The following PLBD1 variants were observed in gnomAD, a reference collection of about 807,000 sequenced individuals.
The protein encoded by PLBD1 is lysosomal leucine aminopeptidase.
A neutral mutation model predicts 63.0 loss-of-function variants in PLBD1; 60 were observed. The observed-to-expected ratio is 0.95, with a 90% CI of 0.77 to 1.18. The LOEUF (loss-of-function observed/expected upper bound fraction) is 1.18. Ranked by LOEUF, PLBD1 falls within the 50% of genes most tolerant of loss-of-function variation. The probability of loss-of-function intolerance (pLI) is 0.00; values close to 1 mark genes in which losing one functional copy is unlikely to be tolerated. For missense variants in PLBD1, 598 were observed against 677.9 expected (o/e 0.88, Z 1.31); for synonymous variants, 262 against 248.0 (o/e 1.06, Z -0.53).
chr12:14,516,059 G>T lies in PLBD1; in HGVS notation c.845-4348C>A, dbSNP rs113272928. Among the ~76,000 whole-genome samples the T allele has an allele frequency of 3.6e-3, 549 of 151,254 alleles. 1 individual carries two copies. The highest frequency in any genetic ancestry group is 0.017 in the Middle Eastern group (5 of 288). ...CTCAAAAAAAAACAAGGCCGGGCAC[G>T]GTGGCTCACGCCTGTAATCCCAGCA... On this transcript the variant is annotated intron_variant, in intron 6 of 10. Coordinates refer to ENST00000240617, the MANE Select transcript of PLBD1 (RefSeq NM_024829.6).
rs1297620322 is a variant in PLBD1, at chr12:14,553,430, A to G, written c.116-18T>C. On this transcript the variant is annotated intron_variant, in intron 1 of 10. Coordinates refer to ENST00000240617, the MANE Select transcript of PLBD1 (RefSeq NM_024829.6). Reference sequence around the variant, plus strand: ...GTAGACTCCTAGAAGAAAAGGGAATAATGACAAAAACGCCATTCAAATGAG... The same window carrying G: ...GTAGACTCCTAGAAGAAAAGGGAATGATGACAAAAACGCCATTCAAATGAG... The G allele has an allele frequency of 6.3e-7, 1 of 1,594,106 alleles. No homozygotes were observed. Among genetic ancestry groups the G allele is most frequent in the Admixed American group, 1.7e-5 (1 of 59,612 alleles).
chr12:14,534,969 C>T (rs905186565), intron 6 of PLBD1, among the ~76,000 whole-genome samples: 1 of 152,278 alleles, frequency 6.6e-6, no homozygotes, highest in Middle Eastern at 3.4e-3. Flanking sequence ...AAATTCTAGC[C>T]ATCCTTTCAA....
chr12:14,539,419 A>G (rs962108372), intron 4 of PLBD1, among the ~76,000 whole-genome samples: 6 of 151,628 alleles, frequency 4.0e-5, no homozygotes, highest in African/African-American at 1.5e-4. Flanking sequence ...TATATATAAT[A>G]TATTTATCAT....
chr12:14,526,591 T>C (rs539502459), intron 6 of PLBD1, among the ~76,000 whole-genome samples: 9 of 152,356 alleles, frequency 5.9e-5, no homozygotes, highest in African/African-American at 2.2e-4. Flanking sequence ...ATACTGTATG[T>C]ATGCATTGGT....
chr12:14,506,179 C>T lies in PLBD1; in HGVS notation c.1462G>A (p.Gly488Ser), dbSNP rs760818746. 3 of 1,609,574 alleles carry T rather than the reference C, an allele frequency of 1.9e-6. No homozygotes were observed. The highest frequency in any genetic ancestry group is 2.2e-5 in the East Asian group (1 of 44,746). The change falls in exon 10 of 11, where the codon GGT (glycine) becomes AGT (serine). Residue 488 changes from glycine (G) to serine (S), a missense_variant. Physicochemically the swap from Gly to Ser is moderately conservative, Grantham distance 56. Coordinates refer to ENST00000240617, the MANE Select transcript of PLBD1 (RefSeq NM_024829.6). Reference protein sequence around the residue: ...DLNSPNPSPGGCYDTKVADIY... With the variant: ...DLNSPNPSPGSCYDTKVADIY... ...CATGTTACCTTTGTGTCATAACAACCTCCAGGACTTGGGTTAGGTGAGTTC... is the reference window on the plus strand; with the variant it reads ...CATGTTACCTTTGTGTCATAACAACTTCCAGGACTTGGGTTAGGTGAGTTC...
rs149343834 is a variant in PLBD1, at chr12:14,560,402, G to C, written c.116-6990C>G. The stretch of plus-strand genomic sequence containing the variant: ...GAAAAAAAGAGAAAGAAATGAGAAA[G>C]AGATCAAGCAAAAGATGTTGGAGAA... On this transcript the variant is annotated intron_variant, in intron 1 of 10. Coordinates refer to ENST00000240617, the MANE Select transcript of PLBD1 (RefSeq NM_024829.6). 2.8e-3 allele frequency among the ~76,000 whole-genome samples: 419 copies of C among 152,184 alleles called. 4 individuals carry two copies. The highest frequency in any genetic ancestry group is 0.014 in the Middle Eastern group (4 of 294).
At chr12:14,548,200 T>C (rs1945629902) in intron 2 of PLBD1, among the ~76,000 whole-genome samples, 1 of 152,006 alleles carries the variant, frequency 6.6e-6, no homozygotes. Flanking sequence ...CTCACGCCTG[T>C]AATCCCAGCA....
chr12:14,537,099 A>G (rs1476034449), intron 4 of PLBD1, among the ~76,000 whole-genome samples: 1 of 152,054 alleles, frequency 6.6e-6, no homozygotes. Flanking sequence ...AAAAAAAAAA[A>G]AAAAAAAAAA....
chr12:14,540,107 TA>T (rs1345729387), intron 4 of PLBD1, among the ~76,000 whole-genome samples: 136 of 958 alleles, frequency 0.14, 8 homozygotes, highest in East Asian at 0.24. Flanking sequence ...ATATAAATAT[TA>T]TTTATATATA....
intron 1 of PLBD1, among the ~76,000 whole-genome samples, chr12:14,557,553 CGTA>C (rs746571976): frequency 6.6e-6 from 1 of 152,100 alleles, no homozygotes; most frequent in Non-Finnish European, 1.5e-5. Flanking sequence ...AGCAAACTAA[CGTA>C]GGAACAGAAA....
intron 6 of PLBD1, among the ~76,000 whole-genome samples, chr12:14,520,806 A>G (rs1199044712): frequency 3.9e-5 from 6 of 152,210 alleles, no homozygotes; most frequent in African/African-American, 1.2e-4. Flanking sequence ...TCTCCATTAA[A>G]GATGCAAACA....
At chr12:14,526,401 AC>A (rs142671086) in intron 6 of PLBD1, among the ~76,000 whole-genome samples, 5,850 of 152,252 alleles carry the variant, frequency 0.038, 362 homozygotes, top group African/African-American at 0.13. Context: ...ACAGCCATCT[AC>A]CCTTGATTAT....
Position 14,511,679 on chromosome 12 carries a change from G to A in PLBD1, c.877C>T (p.Leu293Phe), listed in dbSNP as rs1462586254. ...TGCAGCAATATCAATCCACTGCTAA[G>A]AATGTAAAAATCATCCAGAGACTCC... The part of the protein sequence containing the change: ...FLESLDDFYI[L>F]SSGLILLQTT... The change falls in exon 7 of 11, where the codon CTT becomes TTT. Residue 293 changes from leucine to phenylalanine, a missense_variant. Leu to Phe is a conservative substitution (Grantham distance 22). Coordinates refer to ENST00000240617, the MANE Select transcript of PLBD1 (RefSeq NM_024829.6). 1 of 1,614,088 alleles carries A rather than the reference G, an allele frequency of 6.2e-7. No individual in the cohort carries two copies. The highest frequency in any genetic ancestry group is 8.5e-7 in the Non-Finnish European group (1 of 1,179,996).
At chr12:14,533,740 C>T in intron 6 of PLBD1, among the ~76,000 whole-genome samples, 1 of 152,324 alleles carries the variant, frequency 6.6e-6, no homozygotes, top group Middle Eastern at 3.4e-3. Flanking sequence ...CCCAGTCCCC[C>T]TCAATGCTAA....
intron 4 of PLBD1, among the ~76,000 whole-genome samples, chr12:14,537,893 C>A (rs60948404): frequency 0.9 from 136,116 of 151,914 alleles, 62,310 homozygotes; most frequent in East Asian, 0.99. Flanking sequence ...TCCTCCTTTA[C>A]CTGTTCTCCA....
intron 5 of PLBD1, 79 bp from the exon 6 acceptor site, chr12:14,535,882 A>G: frequency 6.9e-7 from 1 of 1,445,132 alleles, no homozygotes; most frequent in Non-Finnish European, 9.5e-7. Context: ...AGAGGCATAC[A>G]GGGATTGTGC....
intron 1 of PLBD1, among the ~76,000 whole-genome samples, chr12:14,567,065 A>C (rs1945793996): frequency 6.6e-6 from 1 of 152,154 alleles, no homozygotes; most frequent in Admixed American, 6.5e-5. Flanking sequence ...ATTGCACTCC[A>C]GCGTCGCCCA....
chr12:14,535,654 T>C lies in PLBD1; in HGVS notation c.844+5A>G. 2 of 1,613,852 alleles carry C rather than the reference T, an allele frequency of 1.2e-6. No homozygotes were observed. Among genetic ancestry groups the C allele is most frequent in the Admixed American group, 1.7e-5 (1 of 60,004 alleles). ...GTGCTCAGATGTTCCTTTAAATTCA[T>C]TTACCTGGGTAACTGCTGAAAGAGA... On this transcript the variant is annotated splice_donor_5th_base_variant and intron_variant, in intron 6 of 10. Transcript: ENST00000240617.
chr12:14,553,411 T>G lies in PLBD1; in HGVS notation c.117A>C (p.Gly39=). 6 of 1,611,570 alleles carry G rather than the reference T, an allele frequency of 3.7e-6. No homozygotes were observed. Among genetic ancestry groups the G allele is most frequent in the Non-Finnish European group, 5.1e-6 (6 of 1,177,922 alleles). Residue 39 remains glycine (G), a splice_region_variant and synonymous_variant, in exon 2 of 11, where the codon GGA becomes GGC. Transcript: ENST00000240617. ...LVTAEPPKPA[G]VYYATAYWMP... is the part of the protein sequence containing the mutation. ...TCCAGTATGCAGTTGCATAGTAGAC[T>G]CCTAGAAGAAAAGGGAATAATGACA...
Sources: gnomAD v4.1 joint callset for allele counts (sites outside exome capture counted in the v4.1 genomes callset) on GRCh38, gnomAD v4.1.1 for gene constraint, MANE v1.5 for transcripts, NCBI Gene and HGNC (gene_info 2026-07-23, HGNC 2026-07-21) for gene names.